SPATA13: variants seen among roughly 807,000 people sequenced by gnomAD.
The protein encoded by SPATA13 is spermatogenesis-associated protein 13.
A neutral mutation model predicts 104.0 loss-of-function variants in SPATA13; 50 were observed. The ratio of observed to expected loss-of-function variants is 0.48; its 90% CI spans 0.38 to 0.61. The LOEUF (loss-of-function observed/expected upper bound fraction) is 0.61. Among genes scored for constraint, SPATA13 ranks in the 20% least tolerant of loss-of-function variants. The pLI is 0.00. For missense variants in SPATA13, 1,524 were observed against 1,690.6 expected, an observed-to-expected ratio of 0.90 and a Z score of 1.73; for synonymous variants, 606 against 667.5, an observed-to-expected ratio of 0.91 and a Z score of 1.42.
At chr13:24,283,346 A>G (rs1875689707) in intron 4 of SPATA13, among the ~76,000 whole-genome samples, 1 of 152,230 alleles carries the variant, frequency 6.6e-6, no homozygotes, top group African/African-American at 2.4e-5. Flanking sequence ...ATTCCGTTGG[A>G]AAAAATACTG....
intron 1 of SPATA13, among the ~76,000 whole-genome samples, chr13:24,196,173 AATTTG>A (rs1046787230): frequency 6.6e-6 from 1 of 152,102 alleles, no homozygotes; most frequent in Non-Finnish European, 1.5e-5. Flanking sequence ...ATGTTACCCA[AATTTG>A]ATGAGGAGTA....
At chr13:24,062,050 T>G in intron 3 of SPATA13, among the ~76,000 whole-genome samples, 1 of 151,938 alleles carries the variant, frequency 6.6e-6, no homozygotes, top group African/African-American at 2.4e-5. Context: ...GGTCCAGAGG[T>G]GTTATGTGCG....
chr13:24,173,511 CT>C (rs34242537), intron 1 of SPATA13, among the ~76,000 whole-genome samples: 17,921 of 136,004 alleles, frequency 0.13, 1,156 homozygotes, highest in East Asian at 0.19. Flanking sequence ...CGTCCCCCAA[CT>C]TTTTTTTTTT....
intron 2 of SPATA13, among the ~76,000 whole-genome samples, chr13:24,229,237 T>C (rs1872122743): frequency 6.6e-6 from 1 of 152,192 alleles, no homozygotes; most frequent in African/African-American, 2.4e-5. Flanking sequence ...AGTCAGTGGT[T>C]CAGGTAGTGC....
chr13:24,090,026 G>T (rs1236708560), intron 3 of SPATA13, among the ~76,000 whole-genome samples: 2 of 152,132 alleles, frequency 1.3e-5, no homozygotes, highest in African/African-American at 4.8e-5. Context: ...CCTCCTAAAG[G>T]CCCCACCCCT....
rs1298305132 is a variant in SPATA13 at position 24,305,857 on chromosome 13, CT to C, written c.*3085del. On this transcript the variant is annotated 3_prime_UTR_variant, in exon 13 of 13. Coordinates refer to ENST00000382108, the MANE Select transcript of SPATA13 (RefSeq NM_001166271.3). ...ATCATACCTAAAACATATAAAAACC[CT>C]GCCGTAGATTAAAAGCAATTATAAA... The C allele has an allele frequency of 6.6e-6, 1 of 152,168 alleles. No individual in the cohort carries two copies. The highest frequency in any genetic ancestry group is 1.5e-5 in the Non-Finnish European group (1 of 68,034). 9.4% of individuals were successfully genotyped at this position (152,168 alleles called of 1,614,324 possible). A position where few individuals can be genotyped will look rare whatever the true frequency, so the allele number is the denominator to read the frequency against.
intron 4 of SPATA13, among the ~76,000 whole-genome samples, chr13:24,253,494 C>T (rs530473911): frequency 3.2e-4 from 48 of 152,288 alleles, no homozygotes; most frequent in African/African-American, 1.1e-3. Flanking sequence ...AGCAACACAT[C>T]CCTACCAGAA....
chr13:24,142,333 C>T (rs973227529), intron 3 of SPATA13, among the ~76,000 whole-genome samples: 1 of 152,184 alleles, frequency 6.6e-6, no homozygotes, highest in Non-Finnish European at 1.5e-5. Context: ...GTTCAGGTTA[C>T]AGTCCAGGAT....
intron 3 of SPATA13, among the ~76,000 whole-genome samples, chr13:24,149,704 C>T (rs1228175003): frequency 6.6e-6 from 1 of 152,180 alleles, no homozygotes; most frequent in Non-Finnish European, 1.5e-5. Flanking sequence ...AAGCTCCCAC[C>T]CATGTGGGGA....
chr13:24,003,366 A>T (rs1876069612), intron 2 of SPATA13, among the ~76,000 whole-genome samples: 1 of 152,236 alleles, frequency 6.6e-6, no homozygotes, highest in African/African-American at 2.4e-5. Context: ...CAGGTTTACA[A>T]GAGAAGGTGG....
At chr13:24,277,258 CATG>C (rs1055858206) in intron 4 of SPATA13, among the ~76,000 whole-genome samples, 3 of 151,968 alleles carry the variant, frequency 2.0e-5, no homozygotes, top group Non-Finnish European at 2.9e-5. Context: ...TCCTGGCTAA[CATG>C]GTGAAACCAC....
intron 1 of SPATA13, among the ~76,000 whole-genome samples, chr13:24,218,821 A>G (rs1871405112): frequency 6.6e-6 from 1 of 151,110 alleles, no homozygotes; most frequent in South Asian, 2.1e-4. Flanking sequence ...AAGGTTAGAC[A>G]CTCCTGATGT....
At chr13:24,026,909 G>A (rs568448006) in intron 3 of SPATA13, among the ~76,000 whole-genome samples, 2 of 151,844 alleles carry the variant, frequency 1.3e-5, no homozygotes, top group Admixed American at 6.6e-5. Context: ...GCCAACTGCT[G>A]TTTATTTTAT....
At chr13:24,056,726 T>G (rs1195932949) in intron 3 of SPATA13, among the ~76,000 whole-genome samples, 1 of 152,132 alleles carries the variant, frequency 6.6e-6, no homozygotes, top group African/African-American at 2.4e-5. Context: ...GAAGGCTGTC[T>G]CTTTTGGTGG....
intron 4 of SPATA13, among the ~76,000 whole-genome samples, chr13:24,265,612 G>A (rs1386746654): frequency 6.6e-6 from 1 of 152,148 alleles, no homozygotes; most frequent in Non-Finnish European, 1.5e-5. Context: ...TTGTCCATAT[G>A]GGAGTTGGGA....
chr13:24,040,806 G>C (rs942265973), intron 3 of SPATA13, among the ~76,000 whole-genome samples: 1 of 152,150 alleles, frequency 6.6e-6, no homozygotes, highest in African/African-American at 2.4e-5. Context: ...CTGATTGTTT[G>C]CTGTCGTTCC....
chr13:24,135,591 G>A (rs989415435), intron 3 of SPATA13, among the ~76,000 whole-genome samples: 2 of 151,450 alleles, frequency 1.3e-5, no homozygotes, highest in Non-Finnish European at 2.9e-5. Flanking sequence ...CCAGCTACTC[G>A]GGAGGCTGAG....
intron 3 of SPATA13, 136 bp from the exon 4 acceptor site, chr13:24,251,582 T>G: frequency 2.0e-6 from 3 of 1,504,592 alleles, no homozygotes; most frequent in Non-Finnish European, 2.7e-6. Flanking sequence ...CGGTGCAGCC[T>G]GCAACTCGTG....
chr13:24,296,054 T>C (rs1876761232), intron 10 of SPATA13, among the ~76,000 whole-genome samples: 2 of 152,324 alleles, frequency 1.3e-5, no homozygotes, highest in Middle Eastern at 3.4e-3. Context: ...ATTTTACATC[T>C]ATTAATTGGT....
Sources: allele counts gnomAD v4.1 joint callset (sites outside exome capture counted in the v4.1 genomes callset), GRCh38; gene constraint gnomAD v4.1.1; transcripts MANE v1.5; gene names NCBI Gene and HGNC (gene_info 2026-07-23, HGNC 2026-07-21).